The following FLT3 variants were observed in gnomAD, a reference collection of about 807,000 sequenced individuals.
FLT3 encodes fms related receptor tyrosine kinase 3, also known as receptor-type tyrosine-protein kinase FLT3.
Under a neutral mutation model 126.6 loss-of-function variants are expected in FLT3, and 46 were observed. The ratio of observed to expected loss-of-function variants is 0.36; its 90% CI spans 0.29 to 0.46. FLT3 has a LOEUF of 0.46. FLT3 is among the 20% of genes least tolerant of loss of function. The pLI, the probability that FLT3 is intolerant of heterozygous loss-of-function variation, is 1.00. For missense variants in FLT3, 1,069 were observed against 1,190.3 expected, an observed-to-expected ratio of 0.90 and a Z score of 1.50; for synonymous variants, 404 against 434.4, an observed-to-expected ratio of 0.93 and a Z score of 0.87.
intron 15 of FLT3, among the ~76,000 whole-genome samples, chr13:28,030,424 ATT>A (rs1210612577): frequency 6.6e-6 from 1 of 152,170 alleles, no homozygotes; most frequent in Non-Finnish European, 1.5e-5. Context: ...ACAAGTATTT[ATT>A]GAGTGCCTAC....
Position 28,037,264 on chromosome 13 carries a change from C to T in FLT3, c.1230G>A (p.Lys410=). The T allele has an allele frequency of 6.2e-7, 1 of 1,610,826 alleles. No homozygotes were observed. Among genetic ancestry groups the T allele is most frequent in the East Asian group, 2.2e-5 (1 of 44,856 alleles). The change falls in exon 10 of 24, where the codon AAG becomes AAA. Residue 410 remains lysine (K), a synonymous_variant. Coordinates refer to ENST00000241453, the MANE Select transcript of FLT3 (RefSeq NM_004119.3). Reference sequence around the variant, plus strand: ...GGAATATATATTCTCCTGGCTGGTGCTTATGATTGCAAAACTTGGATATGC... The same window carrying T: ...GGAATATATATTCTCCTGGCTGGTGTTTATGATTGCAAAACTTGGATATGC... ...GYSISKFCNH[K]HQPGEYIFHA...
chr13:28,035,811 T>C (rs1873783753), intron 11 of FLT3, 124 bp downstream of exon 11: 3 of 1,208,998 alleles, frequency 2.5e-6, no homozygotes, highest in South Asian at 2.7e-5. Context: ...AGAGTTATGG[T>C]TGATTGAGAA....
In FLT3 at chr13:28,062,180, C is replaced by T. The variant is rs935521077; in HGVS notation, c.166-111G>A. The T allele has an allele frequency of 4.1e-6, 3 of 727,976 alleles. No individual in the cohort carries two copies. In the African/African-American group the frequency reaches 5.2e-5, roughly 13 times the overall value. The allele number at this position is 727,976 out of a possible 1,614,324, so 45.1% of individuals were successfully genotyped here. A position where few individuals can be genotyped will look rare whatever the true frequency, so the allele number is the denominator to read the frequency against. On this transcript the variant is annotated intron_variant, in intron 2 of 23. Transcript: ENST00000241453. ...ATGCATGCTGACACACTGCACGCAACACCCACACAAGCTGGAACCCACTGA... is the reference window on the plus strand; with the variant it reads ...ATGCATGCTGACACACTGCACGCAATACCCACACAAGCTGGAACCCACTGA...
intron 11 of FLT3, 36 bp downstream of exon 11, chr13:28,035,899 T>C (rs760059521): frequency 1.3e-6 from 2 of 1,488,096 alleles, no homozygotes; most frequent in Non-Finnish European, 1.9e-6. Context: ...GAGTTTTATG[T>C]TCTTCCATTA....
chr13:28,019,803 C>G (rs1343217628), intron 19 of FLT3, among the ~76,000 whole-genome samples: 1 of 152,138 alleles, frequency 6.6e-6, no homozygotes, highest in African/African-American at 2.4e-5. Flanking sequence ...CTCTGGGAAC[C>G]CTGCGCATGG....
At chr13:28,076,116 T>C (rs1002601142) in intron 1 of FLT3, among the ~76,000 whole-genome samples, 2 of 152,148 alleles carry the variant, frequency 1.3e-5, no homozygotes, top group African/African-American at 4.8e-5. Context: ...AATTTTCTCA[T>C]ATACAATGCA....
At chr13:28,023,666 T>C (rs977862901) in intron 18 of FLT3, among the ~76,000 whole-genome samples, 189 bp from the exon 19 acceptor site, 1 of 152,212 alleles carries the variant, frequency 6.6e-6, no homozygotes, top group Non-Finnish European at 1.5e-5. Context: ...AGACTTGTTT[T>C]GGTTAGAGAT....
rs770571247 is a variant in FLT3, at chr13:28,036,026, C to T, written c.1327G>A (p.Ala443Thr). Residue 443 changes from alanine to threonine, a missense_variant, in exon 11 of 24, where the codon GCA (alanine) becomes ACA (threonine). Coordinates refer to ENST00000241453, the MANE Select transcript of FLT3 (RefSeq NM_004119.3). ...LNIRRKPQVL[A>T]EASASQASCF... ...GACGCCTGACTTGCCGATGCTTCTG[C>T]GAGCACTTGAGGTTTCCCTATAGAA... 33 of 1,613,824 alleles carry T rather than the reference C, an allele frequency of 2.0e-5. No homozygotes were observed. The highest frequency in any genetic ancestry group is 1.6e-4 in the Middle Eastern group (1 of 6,084).
At chr13:28,046,442 A>G (rs1874888527) in intron 9 of FLT3, among the ~76,000 whole-genome samples, 1 of 152,226 alleles carries the variant, frequency 6.6e-6, no homozygotes, top group African/African-American at 2.4e-5. Context: ...GTGAGTCACA[A>G]CTTCAAGCCT....
chr13:28,047,740 A>G (rs1462681149), intron 9 of FLT3, among the ~76,000 whole-genome samples: 2 of 151,846 alleles, frequency 1.3e-5, no homozygotes, highest in Non-Finnish European at 2.9e-5. Context: ...AAAAAGAAAA[A>G]GAAAAGAAAA....
rs751562024 is a variant in FLT3, at chr13:28,048,320, C to T, written c.1160G>A (p.Arg387Gln). ...PQIRCTWTFS[R>Q]KSFPCEQKGL... ...CTTTTGCTCACAAGGAAATGATTTT[C>T]GAGAGAAGGTCCACGTACATCTGAT... Residue 387 changes from arginine (R) to glutamine (Q), a missense_variant, in exon 9 of 24, where the codon CGA becomes CAA. Arg to Gln is a conservative substitution (Grantham distance 43). Transcript: ENST00000241453. 2.4e-5 allele frequency: 38 copies of T among 1,613,836 alleles called. No individual in the cohort carries two copies. The highest frequency in any genetic ancestry group is 2.8e-5 in the Non-Finnish European group (33 of 1,179,908).
At position 28,037,240 on chromosome 13, in the gene FLT3, G is replaced by A; in HGVS notation, c.1254C>T (p.Phe418=). The change falls in exon 10 of 24, where the codon TTC becomes TTT. Residue 418 remains phenylalanine, a synonymous_variant. Transcript: ENST00000241453. ...NHKHQPGEYI[F]HAENDDAQFT... is the part of the protein sequence containing the mutation. ...ATTGGGCATCATCATTTTCTGCATGGAATATATATTCTCCTGGCTGGTGCT... is the reference window on the plus strand; with the variant it reads ...ATTGGGCATCATCATTTTCTGCATGAAATATATATTCTCCTGGCTGGTGCT... The A allele has an allele frequency of 1.9e-6, 3 of 1,611,900 alleles. No individual in the cohort carries two copies. Among genetic ancestry groups the A allele is most frequent in the Non-Finnish European group, 2.5e-6 (3 of 1,178,138 alleles).
At chr13:28,074,431 A>C (rs1183781023) in intron 1 of FLT3, among the ~76,000 whole-genome samples, 3 of 152,158 alleles carry the variant, frequency 2.0e-5, no homozygotes, top group Non-Finnish European at 4.4e-5. Context: ...AATACTAAGG[A>C]ATTGAATGCC....
At chr13:28,089,992 C>T (rs188369178) in intron 1 of FLT3, among the ~76,000 whole-genome samples, 17 of 151,950 alleles carry the variant, frequency 1.1e-4, no homozygotes, top group Non-Finnish European at 2.2e-4. Flanking sequence ...CCGCCCGCCT[C>T]GGCCTCCCCA....
intron 3 of FLT3, among the ~76,000 whole-genome samples, chr13:28,060,473 A>AAG (rs1186316068): frequency 6.6e-6 from 1 of 151,062 alleles, no homozygotes; most frequent in Non-Finnish European, 1.5e-5. Flanking sequence ...ATTTAAAAAA[A>AAG]AAAAAAAGAA....
chr13:28,036,872 C>T (rs977518674), intron 10 of FLT3, among the ~76,000 whole-genome samples: 2 of 152,060 alleles, frequency 1.3e-5, no homozygotes, highest in East Asian at 3.9e-4. Flanking sequence ...CCCAGCTACT[C>T]GGGAGGCTTA....
chr13:28,098,753 C>G (rs1034107680), intron 1 of FLT3, among the ~76,000 whole-genome samples: 9 of 151,326 alleles, frequency 5.9e-5, no homozygotes, highest in Non-Finnish European at 1.0e-4. Flanking sequence ...ATTATAAGAT[C>G]TATTCATACC....
intron 1 of FLT3, among the ~76,000 whole-genome samples, chr13:28,075,320 C>A (rs2387351): frequency 0.71 from 107,383 of 152,072 alleles, 39,833 homozygotes; most frequent in East Asian, 0.95. Context: ...AAATATTCAA[C>A]GTGATGATTA....
intron 1 of FLT3, among the ~76,000 whole-genome samples, chr13:28,099,723 GA>G (rs1257134065): frequency 6.6e-6 from 1 of 152,058 alleles, no homozygotes; most frequent in African/African-American, 2.4e-5. Flanking sequence ...CCGATGGGAA[GA>G]TTTTTTTTTT....
Sources: allele counts gnomAD v4.1 joint callset (sites outside exome capture counted in the v4.1 genomes callset), GRCh38; gene constraint gnomAD v4.1.1; transcripts MANE v1.5; gene names NCBI Gene and HGNC (gene_info 2026-07-23, HGNC 2026-07-21).